ABCA9: variants seen among roughly 807,000 people sequenced by gnomAD.
The protein encoded by ABCA9 is ATP-binding cassette sub-family A member 9.
ABCA9 carries 183 observed loss-of-function variants against 205.3 expected under a neutral mutation model. The observed-to-expected ratio is 0.89, with a 90% confidence interval of 0.79 to 1.01. The LOEUF is 1.01. Among genes scored for constraint, ABCA9 ranks in the 50% least tolerant of loss-of-function variants. The pLI, the probability that ABCA9 is intolerant of heterozygous loss-of-function variation, is 0.00. For missense variants in ABCA9, 1,805 were observed against 1,912.4 expected (o/e 0.94, Z 1.05); for synonymous variants, 651 against 683.3 (o/e 0.95, Z 0.74).
chr17:68,986,124 T>A (rs369925530), intron 32 of ABCA9, 40 bp downstream of exon 32: 31 of 1,559,568 alleles, frequency 2.0e-5, no homozygotes, highest in Non-Finnish European at 2.6e-5. Flanking sequence ...TAATACAACA[T>A]CCCCTCCAGC....
chr17:69,078,696 A>T, the ABCA9 span: 236 of 242,106 alleles, frequency 9.7e-4, no homozygotes, highest in African/African-American at 4.6e-3. Context: ...TCATATTTTT[A>T]AAAAATTCTA....
At chr17:69,029,352 A>G (rs1235247071) in intron 10 of ABCA9, 125 bp from the exon 11 acceptor site, 11 of 573,952 alleles carry the variant, frequency 1.9e-5, no homozygotes, top group East Asian at 6.4e-5. Flanking sequence ...TAAAGCCTCA[A>G]AGAAAATCTG....
chr17:68,982,907 G>A (rs151325184), intron 36 of ABCA9, among the ~76,000 whole-genome samples: 74 of 152,324 alleles, frequency 4.9e-4, no homozygotes, highest in African/African-American at 1.7e-3. Flanking sequence ...CATGGAGGCT[G>A]AGGCAGGAGG....
intron 28 of ABCA9, among the ~76,000 whole-genome samples, chr17:68,991,347 G>T (rs1187844992): frequency 2.6e-5 from 4 of 152,166 alleles, no homozygotes; most frequent in Non-Finnish European, 5.9e-5. Context: ...TGAGTCCAAA[G>T]ATTTGGAATC....
rs909932542 is a variant in ABCA9, at chr17:69,023,975, T to C, written c.2281+239A>G. On this transcript the variant is annotated intron_variant, in intron 17 of 38. Transcript: ENST00000340001. This position sits in a 1 kb window ranked among gnomAD's most constrained non-coding sequence, Gnocchi z 4.2. ...CTTGCTGCTAGCCTACGCCTCTTAA[T>C]TGCACTTAATTGACTTGAAGCATAT... Among the ~76,000 whole-genome samples, 13 of 150,706 alleles carry C rather than the reference T, an allele frequency of 8.6e-5. No homozygotes were observed. The highest frequency in any genetic ancestry group is 3.2e-4 in the African/African-American group (13 of 40,062).
chr17:69,003,572 T>C (rs944270917), intron 25 of ABCA9, among the ~76,000 whole-genome samples: 2 of 142,154 alleles, frequency 1.4e-5, no homozygotes, highest in African/African-American at 5.3e-5. Context: ...ATTTCAACTT[T>C]GGTGAATCTG....
rs200175568 is a variant in ABCA9, at chr17:69,043,559, T to C, written c.730A>G (p.Asn244Asp). 22 of 1,611,490 alleles carry C rather than the reference T, an allele frequency of 1.4e-5. No individual in the cohort carries two copies. The highest frequency in any genetic ancestry group is 3.3e-4 in the Middle Eastern group (2 of 5,990). ...FSTFIYYVSVNVTQERQYITS... is the reference protein window; with the variant it reads ...FSTFIYYVSVDVTQERQYITS... ...ATGTATTGTCTTTCTTGTGTAACAT[T>C]GACTGATACATAGTATATAAATGTA... Residue 244 changes from asparagine to aspartate, a missense_variant, in exon 6 of 39, where the codon AAT becomes GAT. Coordinates refer to ENST00000340001, the MANE Select transcript of ABCA9 (RefSeq NM_080283.4).
At position 69,013,197 on chromosome 17, in the gene ABCA9, C is replaced by T. The variant is rs114052338; in HGVS notation, c.3040-1114G>A. 3.8e-3 allele frequency among the ~76,000 whole-genome samples: 574 copies of T among 152,194 alleles called. 3 individuals carry two copies. The highest frequency in any genetic ancestry group is 0.013 in the African/African-American group (552 of 41,526). On this transcript the variant is annotated intron_variant, in intron 22 of 38. Coordinates refer to ENST00000340001, the MANE Select transcript of ABCA9 (RefSeq NM_080283.4). ...AACAAACATGAGAGTGTGGATATCTCTTTGATATACTTATTTCCTTTTGTG... is the reference window on the plus strand; with the variant it reads ...AACAAACATGAGAGTGTGGATATCTTTTTGATATACTTATTTCCTTTTGTG...
At chr17:69,022,021 C>T (rs969438707) in intron 17 of ABCA9, 160 bp from the exon 18 acceptor site, 2 of 453,432 alleles carry the variant, frequency 4.4e-6, no homozygotes, top group Non-Finnish European at 3.5e-6. Context: ...TAGTATGTTA[C>T]TTTTCATGTC....
intron 6 of ABCA9, among the ~76,000 whole-genome samples, chr17:69,038,255 A>T (rs1368875300): frequency 1.3e-5 from 2 of 152,204 alleles, no homozygotes; most frequent in Non-Finnish European, 2.9e-5. Flanking sequence ...CCTGGCAGAG[A>T]CACAATAAAA....
chr17:69,014,270 T>TCA (rs2070495397), intron 22 of ABCA9, among the ~76,000 whole-genome samples: 1 of 152,084 alleles, frequency 6.6e-6, no homozygotes, highest in African/African-American at 2.4e-5. Context: ...ATGTGAAGGG[T>TCA]CACATTCAAA....
At chr17:69,058,760 AC>A (rs2072145075) in intron 1 of ABCA9, among the ~76,000 whole-genome samples, 1 of 151,528 alleles carries the variant, frequency 6.6e-6, no homozygotes, top group Non-Finnish European at 1.5e-5. Flanking sequence ...AACCGCTTGA[AC>A]CTGGGAGGCA....
rs763922919 is a variant in ABCA9, at chr17:69,024,247, T to C, written c.2248A>G (p.Ile750Val). 3.7e-6 allele frequency: 6 copies of C among 1,613,168 alleles called. No individual in the cohort carries two copies. Among genetic ancestry groups the C allele is most frequent in the East Asian group, 2.2e-5 (1 of 44,812 alleles). Residue 750 changes from isoleucine to valine, a missense_variant, in exon 17 of 39, where the codon ATT (isoleucine) becomes GTT (valine). By Grantham distance (29) the Ile-to-Val change is conservative (BLOSUM62 3). Transcript: ENST00000340001. ...TTGTTTGTCCTTTCCAAAGGCAAAA[T>C]ATATACAAGTTTTTCTTCACTTTGT... ...TAQSEEKLVYILPLERTNKFP... is the reference protein window; with the variant it reads ...TAQSEEKLVYVLPLERTNKFP...
intron 1 of ABCA9, among the ~76,000 whole-genome samples, chr17:69,053,013 G>A (rs2071956603): frequency 6.6e-6 from 1 of 152,142 alleles, no homozygotes; most frequent in East Asian, 1.9e-4. Context: ...AACTCTCTGG[G>A]TGCACCACAT....
At chr17:68,985,488 G>A (rs1418339480) in intron 32 of ABCA9, among the ~76,000 whole-genome samples, 2 of 152,174 alleles carry the variant, frequency 1.3e-5, no homozygotes, top group Non-Finnish European at 2.9e-5. Context: ...TGGGCATGGT[G>A]GCGTGCACCT....
chr17:69,006,277 C>T (rs1025465971), intron 25 of ABCA9, among the ~76,000 whole-genome samples: 12 of 152,102 alleles, frequency 7.9e-5, no homozygotes, highest in African/African-American at 2.9e-4. Flanking sequence ...CTAGTAATTC[C>T]ACTGCTAGGT....
chr17:68,995,524 C>A (rs1055161669), intron 26 of ABCA9, among the ~76,000 whole-genome samples: 1 of 152,208 alleles, frequency 6.6e-6, no homozygotes, highest in Admixed American at 6.5e-5. Flanking sequence ...TCCACACACC[C>A]TGACACATTG....
intron 10 of ABCA9, among the ~76,000 whole-genome samples, chr17:69,030,682 TTTTCCCTATCTTTTC>T (rs2071124059): frequency 6.6e-6 from 1 of 152,198 alleles, no homozygotes; most frequent in African/African-American, 2.4e-5. Context: ...CCTAGTCTCT[TTTTCCCTATCTTTTC>T]TTTTTAAAAC....
At chr17:68,987,366 AAGT>A (rs1370312224) in intron 31 of ABCA9, among the ~76,000 whole-genome samples, 1 of 152,344 alleles carries the variant, frequency 6.6e-6, no homozygotes, top group East Asian at 1.9e-4. Flanking sequence ...CATAAAATAT[AAGT>A]AGTAAGTAAA....
Sources: gnomAD v4.1 joint callset for allele counts (sites outside exome capture counted in the v4.1 genomes callset) on GRCh38, gnomAD v4.1.1 for gene constraint, Gnocchi (gnomAD v3.1) non-coding constraint, MANE v1.5 for transcripts, NCBI Gene and HGNC (gene_info 2026-07-23, HGNC 2026-07-21) for gene names.